SCMH1: variants seen among roughly 807,000 people sequenced by gnomAD.
The protein encoded by SCMH1 is Scm polycomb group protein homolog 1.
SCMH1 carries 37 observed loss-of-function variants against 70.8 expected under a neutral mutation model. The observed-to-expected ratio is 0.52, with a 90% CI of 0.40 to 0.69. SCMH1 has a LOEUF of 0.69. Ranked by LOEUF, SCMH1 falls within the 30% of genes least tolerant of loss-of-function variation. The probability of loss-of-function intolerance (pLI) is 0.00; values close to 1 mark genes in which losing one functional copy is unlikely to be tolerated. For synonymous variants in SCMH1, 292 were observed against 307.4 expected, an observed-to-expected ratio of 0.95 and a Z score of 0.52; for missense variants, 607 against 827.3, an observed-to-expected ratio of 0.73 and a Z score of 3.27.
chr1:41,177,708 G>T (rs1318079263), intron 2 of SCMH1, among the ~76,000 whole-genome samples: 1 of 152,098 alleles, frequency 6.6e-6, no homozygotes, highest in Non-Finnish European at 1.5e-5. Context: ...AAAAAGAAAC[G>T]AACACAGCCT....
chr1:41,031,043 T>G (rs1396323841), intron 13 of SCMH1, among the ~76,000 whole-genome samples: 2 of 152,020 alleles, frequency 1.3e-5, no homozygotes, highest in African/African-American at 4.8e-5. Context: ...TCCCAGCACT[T>G]TGGGTGGCCA....
At chr1:41,241,987 C>T (rs1397988119) in intron 1 of SCMH1, 72 bp downstream of exon 1, 1 of 152,184 alleles carries the variant, frequency 6.6e-6, no homozygotes, top group Admixed American at 6.6e-5. Context: ...GTCCCGCCAC[C>T]GCCTTCTGGC....
At chr1:41,161,186 C>T (rs1173832599) in intron 3 of SCMH1, among the ~76,000 whole-genome samples, 178 bp downstream of exon 3, 2 of 152,326 alleles carry the variant, frequency 1.3e-5, no homozygotes, top group Non-Finnish European at 1.5e-5. Context: ...TCTAGGTTTC[C>T]TATTTCCAGC....
At chr1:41,208,171 C>T (rs532390668) in intron 1 of SCMH1, among the ~76,000 whole-genome samples, 100 of 110,298 alleles carry the variant, frequency 9.1e-4, no homozygotes, top group Non-Finnish European at 1.5e-3. Flanking sequence ...TAAACTATCG[C>T]AAGAACAAAA....
Position 41,172,004 on chromosome 1 carries a change from C to A in SCMH1, c.14-10572G>T, listed in dbSNP as rs558464167. 1.6e-4 allele frequency among the ~76,000 whole-genome samples: 24 copies of A among 152,078 alleles called. 1 individual carries two copies. Among genetic ancestry groups the A allele is most frequent in the African/African-American group, 5.5e-4 (23 of 41,484 alleles). On this transcript the variant is annotated intron_variant, in intron 2 of 14. Transcript: ENST00000337495. ...CCCAGGACTTCAAGACCAACCTGGG[C>A]AACATGGCAAGACCCCATCTCTACA...
chr1:41,219,290 G>T (rs1169491931), intron 1 of SCMH1, among the ~76,000 whole-genome samples: 1 of 152,170 alleles, frequency 6.6e-6, no homozygotes, highest in Non-Finnish European at 1.5e-5. Flanking sequence ...TTTATAATAA[G>T]CCTGTAATAA....
At chr1:41,028,376 G>T in intron 14 of SCMH1, 57 bp from the exon 16 acceptor site, 1 of 1,602,060 alleles carries the variant, frequency 6.2e-7, no homozygotes, top group Non-Finnish European at 8.5e-7. Flanking sequence ...AGTCCTGGTT[G>T]GTCTGACCAC....
At chr1:41,086,074 T>G (rs749787305) in intron 8 of SCMH1, among the ~76,000 whole-genome samples, 16 of 152,040 alleles carry the variant, frequency 1.1e-4, no homozygotes, top group Non-Finnish European at 1.5e-4. Context: ...CTCCTGACCT[T>G]GTGATCTGCC....
intron 1 of SCMH1, among the ~76,000 whole-genome samples, chr1:41,190,212 T>A (rs1266528718): frequency 6.6e-6 from 1 of 151,724 alleles, no homozygotes; most frequent in African/African-American, 2.4e-5. Flanking sequence ...ACAAGAAGAG[T>A]GAGAATTTAA....
At chr1:41,086,948 C>G (rs1349568294) in intron 8 of SCMH1, among the ~76,000 whole-genome samples, 2 of 141,738 alleles carry the variant, frequency 1.4e-5, no homozygotes, top group Non-Finnish European at 1.5e-5. Flanking sequence ...ACTAAGAAAA[C>G]AACAGAATGT....
At chr1:41,049,640 G>A (rs1365286531) in intron 10 of SCMH1, among the ~76,000 whole-genome samples, 3 of 151,400 alleles carry the variant, frequency 2.0e-5, no homozygotes, top group Non-Finnish European at 4.4e-5. Context: ...GGTGGTGGGC[G>A]CCTGTAATCC....
chr1:41,051,892 T>C (rs1416807671), intron 10 of SCMH1, among the ~76,000 whole-genome samples: 2 of 152,316 alleles, frequency 1.3e-5, no homozygotes, highest in East Asian at 1.9e-4. Context: ...CACAGTAGTG[T>C]ACAGTAATAT....
chr1:41,068,955 T>A (rs1196389153), intron 10 of SCMH1, among the ~76,000 whole-genome samples: 1 of 152,146 alleles, frequency 6.6e-6, no homozygotes, highest in African/African-American at 2.4e-5. Flanking sequence ...CAGGAGAGAT[T>A]TCTTCTAGAG....
intron 6 of SCMH1, among the ~76,000 whole-genome samples, chr1:41,125,286 G>T (rs1347185948): frequency 6.6e-6 from 1 of 151,722 alleles, no homozygotes; most frequent in East Asian, 1.9e-4. Flanking sequence ...CGAGATCTCC[G>T]CTCACTGCAG....
intron 10 of SCMH1, 82 bp downstream of exon 10, chr1:41,070,512 GC>G (rs1656106085): frequency 1.3e-6 from 2 of 1,514,276 alleles, no homozygotes; most frequent in Non-Finnish European, 1.8e-6. Flanking sequence ...GTGGAAAGGT[GC>G]TAATTACTGG....
At chr1:41,073,061 CAAG>C (rs1657075784) in intron 9 of SCMH1, among the ~76,000 whole-genome samples, 1 of 152,170 alleles carries the variant, frequency 6.6e-6, no homozygotes, top group Non-Finnish European at 1.5e-5. Context: ...TTACTACGTT[CAAG>C]ACTTCCTGAG....
chr1:41,070,736 G>T lies in SCMH1; in HGVS notation c.979-15C>A. The T allele has an allele frequency of 6.2e-7, 1 of 1,612,798 alleles. No individual in the cohort carries two copies. The highest frequency in any genetic ancestry group is 1.1e-5 in the South Asian group (1 of 90,898). On this transcript the variant is annotated splice_polypyrimidine_tract_variant and intron_variant, in intron 9 of 14. Coordinates refer to ENST00000337495, the Ensembl canonical transcript of SCMH1. ...CGAGGTTTCCTCTGTCAAAATGAAT[G>T]GGAAAAAAATTGCTACCCATGACAG...
intron 10 of SCMH1, among the ~76,000 whole-genome samples, chr1:41,051,040 AC>A (rs1486806189): frequency 6.6e-6 from 1 of 152,190 alleles, no homozygotes; most frequent in Non-Finnish European, 1.5e-5. Context: ...ATTCATAATA[AC>A]CCCAAACTAG....
intron 2 of SCMH1, among the ~76,000 whole-genome samples, chr1:41,174,460 T>C (rs1646984081): frequency 6.6e-6 from 1 of 152,162 alleles, no homozygotes; most frequent in Admixed American, 6.5e-5. Context: ...TTAGGGTGTT[T>C]CTCAGTATTA....
Sources: allele counts gnomAD v4.1 joint callset (sites outside exome capture counted in the v4.1 genomes callset), GRCh38; gene constraint gnomAD v4.1.1; transcripts MANE v1.5; gene names NCBI Gene and HGNC (gene_info 2026-07-23, HGNC 2026-07-21).